Variants in GTF2IRD2 observed in about 807,000 individuals in gnomAD.
The protein encoded by GTF2IRD2 is GTF2I repeat domain containing 2.
A neutral mutation model predicts 49.2 loss-of-function variants in GTF2IRD2; 8 were observed. The ratio of observed to expected loss-of-function variants is 0.16; its 90% CI spans 0.10 to 0.29. The LOEUF is 0.29. Ranked by LOEUF, GTF2IRD2 falls within the 10% of genes least tolerant of loss-of-function variation. The pLI, the probability that GTF2IRD2 is intolerant of heterozygous loss-of-function variation, is 1.00. For synonymous variants in GTF2IRD2, 47 were observed against 289.7 expected (o/e 0.16, Z 8.51); for missense variants, 130 against 725.7 (o/e 0.18, Z 9.43).
rs1554422356 is a variant in GTF2IRD2, at chr7:74,845,355, TCACAGC to T, written c.-6+6006_-6+6011del. ...CCCAGGCTGGAATGCAGTGGTGCAA[TCACAGC>T]TCACTGCAGCCTCTGCCTCCCTGGG... On this transcript the variant is annotated intron_variant, in intron 1 of 15. Coordinates refer to ENST00000451013, the MANE Select transcript of GTF2IRD2 (RefSeq NM_173537.5). Among the ~76,000 whole-genome samples the T allele has an allele frequency of 1.2e-4, 18 of 151,544 alleles. No homozygotes were observed. The South Asian group carries it at 3.3e-3, about 28-fold the overall frequency.
At chr7:74,826,743 A>G (rs1799432909) in intron 3 of GTF2IRD2, among the ~76,000 whole-genome samples, 1 of 80,154 alleles carries the variant, frequency 1.2e-5, no homozygotes, top group Non-Finnish European at 2.2e-5. Flanking sequence ...AGAGAGTCTT[A>G]CTCTGTTGCC....
At chr7:74,845,738 CTG>C (rs1262179516) in intron 1 of GTF2IRD2, among the ~76,000 whole-genome samples, 9 of 152,398 alleles carry the variant, frequency 5.9e-5, no homozygotes, top group African/African-American at 2.2e-4. Context: ...TAAGCCAACA[CTG>C]TGTTTCCTGT....
In GTF2IRD2 at chr7:74,847,330, A is replaced by C. The variant is rs1461145130; in HGVS notation, c.-6+4037T>G. Among the ~76,000 whole-genome samples, 3 of 44,868 alleles carry C rather than the reference A, an allele frequency of 6.7e-5. 1 individual carries two copies. Among genetic ancestry groups the C allele is most frequent in the African/African-American group, 2.7e-4 (3 of 11,124 alleles). The allele number at this position is 44,868 out of a possible 152,430, so 29.4% of individuals were successfully genotyped here. On this transcript the variant is annotated intron_variant, in intron 1 of 15. Transcript: ENST00000451013. ...ATAAATTCTACCTTCTTCACAGCTC[A>C]GCCTACAAGTACAAACACAAGAGTA...
At chr7:74,846,861 C>T (rs1483804044) in intron 1 of GTF2IRD2, among the ~76,000 whole-genome samples, 1 of 24,426 alleles carries the variant, frequency 4.1e-5, no homozygotes, top group African/African-American at 1.1e-4. Context: ...GTTGCCCAGG[C>T]TGATCTTGAA....
chr7:74,822,825 C>T lies in GTF2IRD2; in HGVS notation c.359-18G>A, dbSNP rs1284022948. On this transcript the variant is annotated intron_variant, in intron 4 of 15. Transcript: ENST00000451013. The stretch of plus-strand genomic sequence containing the variant: ...GGCTTTACCTACAAGAAGACGCAAA[C>T]GTCTTTGGATGGTGTGAACCTAACG... 4.5e-6 allele frequency: 7 copies of T among 1,548,398 alleles called. 1 individual carries two copies. The highest frequency in any genetic ancestry group is 6.1e-6 in the Non-Finnish European group (7 of 1,153,900).
intron 2 of GTF2IRD2, among the ~76,000 whole-genome samples, chr7:74,834,775 G>T (rs1437562422): frequency 9.3e-6 from 1 of 107,130 alleles, no homozygotes; most frequent in Admixed American, 9.0e-5. Flanking sequence ...GATAGCTCAT[G>T]ATAGCTTACT....
At chr7:74,825,969 T>G (rs1183302941) in intron 3 of GTF2IRD2, among the ~76,000 whole-genome samples, 1 of 151,718 alleles carries the variant, frequency 6.6e-6, no homozygotes, top group Non-Finnish European at 1.5e-5. Context: ...CCCGGCTAAT[T>G]TTTTGTATTT....
intron 1 of GTF2IRD2, among the ~76,000 whole-genome samples, chr7:74,847,452 C>G (rs1801379780): frequency 2.6e-5 from 1 of 38,908 alleles, no homozygotes; most frequent in South Asian, 8.6e-4. Flanking sequence ...AATCCCAGCA[C>G]TCTGGGAGGC....
At chr7:74,841,195 T>C in intron 1 of GTF2IRD2, among the ~76,000 whole-genome samples, 1 of 131,002 alleles carries the variant, frequency 7.6e-6, no homozygotes, top group African/African-American at 3.3e-5. Flanking sequence ...TGACATGGAG[T>C]CTCACTCTGT....
At chr7:74,815,801 A>G (rs1483772804) in intron 8 of GTF2IRD2, among the ~76,000 whole-genome samples, 170 of 11,342 alleles carry the variant, frequency 0.015, 5 homozygotes, top group Non-Finnish European at 0.02. Flanking sequence ...AAAGAAGGAA[A>G]GAAAGAAAGA....
chr7:74,809,904 G>A (rs1404041368), intron 10 of GTF2IRD2, among the ~76,000 whole-genome samples: 233 of 66,838 alleles, frequency 3.5e-3, no homozygotes, highest in African/African-American at 0.01. Flanking sequence ...AGCAATCCTC[G>A]TGCCTCAGCC....
intron 3 of GTF2IRD2, among the ~76,000 whole-genome samples, chr7:74,829,858 A>C (rs1258345213): frequency 3.3e-5 from 5 of 149,990 alleles, no homozygotes; most frequent in African/African-American, 9.9e-5. Context: ...ACTGCACTCC[A>C]GCCTGGGCGA....
At chr7:74,808,222 C>T (rs2718286) in intron 11 of GTF2IRD2, among the ~76,000 whole-genome samples, 7 of 66,684 alleles carry the variant, frequency 1.0e-4, no homozygotes, top group Admixed American at 2.3e-4. Context: ...GGCACAATTA[C>T]GGCTCACTGC....
In GTF2IRD2 at chr7:74,797,575, G is replaced by A. The variant is rs1554416413; in HGVS notation, c.1937C>T (p.Ala646Val). ...TATACAACAGATGGACTTCAGTTCC[G>A]CACCCTTGCAGAACGTCGCCACCCT... ...KSRVATFCKG[A>V]ELKSICCIIH... Residue 646 changes from alanine to valine, a missense_variant, in exon 16 of 16, where the codon GCG becomes GTG. Transcript: ENST00000451013. 6.9e-6 allele frequency: 11 copies of A among 1,583,630 alleles called. No individual in the cohort carries two copies. The highest frequency in any genetic ancestry group is 4.4e-5 in the South Asian group (4 of 90,012).
chr7:74,824,152 C>A (rs1390316656), intron 4 of GTF2IRD2, among the ~76,000 whole-genome samples: 1 of 130,514 alleles, frequency 7.7e-6, no homozygotes, highest in Non-Finnish European at 1.6e-5. Flanking sequence ...GGCAACAGAG[C>A]GAGACTCTGC....
intron 1 of GTF2IRD2, among the ~76,000 whole-genome samples, chr7:74,840,651 C>G (rs1161367110): frequency 7.9e-6 from 1 of 127,176 alleles, no homozygotes; most frequent in African/African-American, 3.5e-5. Flanking sequence ...CTCCTCTTCC[C>G]AGAAAGAAAC....
At position 74,838,327 on chromosome 7, in the gene GTF2IRD2, C is replaced by T. The variant is rs1269391023; in HGVS notation, c.-5-1944G>A. 5.1e-4 allele frequency among the ~76,000 whole-genome samples: 68 copies of T among 133,228 alleles called. 4 individuals carry two copies. Among genetic ancestry groups the T allele is most frequent in the Non-Finnish European group, 8.9e-4 (59 of 66,550 alleles). The allele number at this position is 133,228 out of a possible 152,430, so 87.4% of individuals were successfully genotyped here. A position where few individuals can be genotyped will look rare whatever the true frequency, so the allele number is the denominator to read the frequency against. ...TAGGAAGAGAAAATTCCTTCTTTCC[C>T]ACTTCCCTTCGGACTTCTGTCTCCT... On this transcript the variant is annotated intron_variant, in intron 1 of 15. Transcript: ENST00000451013.
chr7:74,807,340 C>T lies in GTF2IRD2; in HGVS notation c.872-329G>A, dbSNP rs868915150. ...TCACCCAGGCTGGAGTGCAGTGGTG[C>T]GATCTCGGCTCACTGCAACCTTTGC... On this transcript the variant is annotated intron_variant, in intron 11 of 15. Transcript: ENST00000451013. Among the ~76,000 whole-genome samples the T allele has an allele frequency of 5.6e-3, 508 of 90,022 alleles. 1 individual carries two copies. Among genetic ancestry groups the T allele is most frequent in the African/African-American group, 0.019 (479 of 25,546 alleles). 59.1% of individuals were successfully genotyped at this position (90,022 alleles called of 152,430 possible). A position where few individuals can be genotyped will look rare whatever the true frequency, so the allele number is the denominator to read the frequency against.
chr7:74,813,377 C>CAAAA (rs782221011), intron 8 of GTF2IRD2, among the ~76,000 whole-genome samples: 7 of 5,840 alleles, frequency 1.2e-3, no homozygotes, highest in East Asian at 0.033. Flanking sequence ...GACTCCATCT[C>CAAAA]AAAAAAAAAA....
Sources: allele counts gnomAD v4.1 joint callset (sites outside exome capture counted in the v4.1 genomes callset), GRCh38; gene constraint gnomAD v4.1.1; transcripts MANE v1.5; gene names NCBI Gene and HGNC (gene_info 2026-07-23, HGNC 2026-07-21).